ANKS6: variants seen among roughly 807,000 people sequenced by gnomAD.
ANKS6 encodes the protein ankyrin repeat and SAM domain-containing protein 6.
ANKS6 carries 47 observed loss-of-function variants against 77.9 expected under a neutral mutation model. That is an observed-to-expected ratio of 0.60 (90% CI 0.48 to 0.77). The LOEUF (loss-of-function observed/expected upper bound fraction) is 0.77, where lower values mean the gene tolerates loss of function less well. Ranked by LOEUF, ANKS6 falls within the 30% of genes least tolerant of loss-of-function variation. The pLI, the probability that ANKS6 is intolerant of heterozygous loss-of-function variation, is 0.00. For missense variants in ANKS6, 1,150 were observed against 1,159.1 expected, an observed-to-expected ratio of 0.99 and a Z score of 0.11; for synonymous variants, 488 against 501.7, an observed-to-expected ratio of 0.97 and a Z score of 0.37.
In ANKS6 at chr9:98,796,200, G is replaced by A; in HGVS notation, c.292C>T (p.Leu98=). ...GGHEPLVRFL[L]RRGASVNSRN... ...CTGTTGACCGAGGCACCGCGGCGCA[G>A]CAGGAAGCGCACCAGCGGTTCGTGG... Residue 98 remains leucine, a synonymous_variant, in exon 1 of 15, where the codon CTG becomes TTG. Coordinates refer to ENST00000353234, the MANE Select transcript of ANKS6 (RefSeq NM_173551.5). The A allele has an allele frequency of 7.1e-7, 1 of 1,418,148 alleles. No individual in the cohort carries two copies. The highest frequency in any genetic ancestry group is 9.2e-7 in the Non-Finnish European group (1 of 1,085,566). 87.8% of individuals were successfully genotyped at this position (1,418,148 alleles called of 1,614,324 possible). A position where few individuals can be genotyped will look rare whatever the true frequency, so the allele number is the denominator to read the frequency against.
rs1831382279 is a variant in ANKS6 at position 98,734,511 on chromosome 9, C to T, written c.*2008G>A. ...CAAACAATTCTAGGCCTACTGTTAACCCCTGAAGCCATCAGTAAATTAAAA... is the reference window on the plus strand; with the variant it reads ...CAAACAATTCTAGGCCTACTGTTAATCCCTGAAGCCATCAGTAAATTAAAA... On this transcript the variant is annotated 3_prime_UTR_variant, in exon 15 of 15. Coordinates refer to ENST00000353234, the MANE Select transcript of ANKS6 (RefSeq NM_173551.5). 1.0e-6 allele frequency: 1 copy of T among 985,402 alleles called. No homozygotes were observed. The highest frequency in any genetic ancestry group is 4.7e-5 in the South Asian group (1 of 21,284). The allele number at this position is 985,402 out of a possible 1,614,324, so 61.0% of individuals were successfully genotyped here. A position where few individuals can be genotyped will look rare whatever the true frequency, so the allele number is the denominator to read the frequency against.
At chr9:98,788,828 G>A (rs1259244395) in intron 2 of ANKS6, among the ~76,000 whole-genome samples, 1 of 152,168 alleles carries the variant, frequency 6.6e-6, no homozygotes, top group African/African-American at 2.4e-5. Flanking sequence ...CTTCCAATGG[G>A]TGTGTGACCT....
At chr9:98,739,728 C>T (rs1831709538) in intron 14 of ANKS6, among the ~76,000 whole-genome samples, 1 of 150,954 alleles carries the variant, frequency 6.6e-6, no homozygotes. Context: ...CAGACAGATC[C>T]TATCCTCAGA....
rs200911908 is a variant in ANKS6 at position 98,790,383 on chromosome 9, G to C, written c.583C>G (p.Leu195Val). ...SRDEPLDITA[L>V]MAAIQHGHEA... ...TGCCCGTGCTGGATGGCAGCCATCA[G>C]GGCTGTGATGTCCAAGGGCTCATCC... The change falls in exon 2 of 15, where the codon CTG becomes GTG. Residue 195 changes from leucine (L) to valine (V), a missense_variant. Physicochemically the swap from Leu to Val is conservative, Grantham distance 32. Transcript: ENST00000353234. 2 of 1,613,596 alleles carry C rather than the reference G, an allele frequency of 1.2e-6. No individual in the cohort carries two copies. Among genetic ancestry groups the C allele is most frequent in the African/African-American group, 2.7e-5 (2 of 74,944 alleles).
At chr9:98,786,296 T>G (rs1223564770) in intron 2 of ANKS6, among the ~76,000 whole-genome samples, 2 of 141,842 alleles carry the variant, frequency 1.4e-5, no homozygotes, top group Non-Finnish European at 3.0e-5. Context: ...CAGAATTGTT[T>G]TTTTTTTTTT....
In ANKS6 at chr9:98,736,821, C is replaced by T. The variant is rs527745637; in HGVS notation, c.2512-198G>A. 3.3e-5 allele frequency among the ~76,000 whole-genome samples: 5 copies of T among 152,314 alleles called. No individual in the cohort carries two copies. In the East Asian group the frequency reaches 7.7e-4, roughly 23 times the overall value. On this transcript the variant is annotated intron_variant, in intron 14 of 14. Transcript: ENST00000353234. ...TCAGAATCTCCCCAGTACCCACCAT[C>T]GCAGCCTGTCAATGCTGGAGAGGCC...
At position 98,736,439 on chromosome 9, in the gene ANKS6, G is replaced by T; in HGVS notation, c.*80C>A. 1 of 1,484,764 alleles carries T rather than the reference G, an allele frequency of 6.7e-7. No individual in the cohort carries two copies. 92.0% of individuals were successfully genotyped at this position (1,484,764 alleles called of 1,614,324 possible). ...CATGACTAAGGCACAGCAGTGTGACGGGGGCAGGGCTGGGGCTGTGGCCAC... is the reference window on the plus strand; with the variant it reads ...CATGACTAAGGCACAGCAGTGTGACTGGGGCAGGGCTGGGGCTGTGGCCAC... On this transcript the variant is annotated 3_prime_UTR_variant, in exon 15 of 15. Coordinates refer to ENST00000353234, the MANE Select transcript of ANKS6 (RefSeq NM_173551.5).
intron 12 of ANKS6, among the ~76,000 whole-genome samples, chr9:98,754,191 G>C (rs1488046088): frequency 4.6e-5 from 7 of 152,176 alleles, no homozygotes; most frequent in Admixed American, 4.6e-4. Context: ...AAATTTCCTG[G>C]AACAAATGTG....
intron 10 of ANKS6, among the ~76,000 whole-genome samples, chr9:98,769,723 G>A (rs181670727): frequency 9.9e-5 from 15 of 152,256 alleles, no homozygotes; most frequent in Admixed American, 1.3e-4. Context: ...ATTTGACCCC[G>A]GACGAGTTAT....
At chr9:98,775,138 T>C (rs1024170408) in intron 8 of ANKS6, among the ~76,000 whole-genome samples, 4 of 152,160 alleles carry the variant, frequency 2.6e-5, no homozygotes, top group Admixed American at 2.0e-4. Flanking sequence ...CGGGGTTGAG[T>C]TGGAAACTCA....
At chr9:98,759,465 G>A (rs1309228729) in intron 11 of ANKS6, among the ~76,000 whole-genome samples, 1 of 152,158 alleles carries the variant, frequency 6.6e-6, no homozygotes, top group African/African-American at 2.4e-5. Context: ...CACAGGTTGA[G>A]GGCTCAGTCC....
At chr9:98,773,542 A>T (rs1005469488) in intron 9 of ANKS6, among the ~76,000 whole-genome samples, 1 of 152,118 alleles carries the variant, frequency 6.6e-6, no homozygotes, top group Non-Finnish European at 1.5e-5. Context: ...TTGGCTGGTG[A>T]TCTTCAGCTA....
intron 1 of ANKS6, among the ~76,000 whole-genome samples, chr9:98,792,667 C>G (rs1047534297): frequency 5.9e-5 from 9 of 152,058 alleles, no homozygotes; most frequent in Admixed American, 2.0e-4. Context: ...TTACAAGGTG[C>G]GTCACATTTT....
At position 98,768,131 on chromosome 9, in the gene ANKS6, G is replaced by C. The variant is rs765248968; in HGVS notation, c.2092C>G (p.Pro698Ala). Residue 698 changes from proline (P) to alanine (A), a missense_variant, in exon 11 of 15, where the codon CCG becomes GCG. Pro to Ala is a conservative substitution (Grantham distance 27). Coordinates refer to ENST00000353234, the MANE Select transcript of ANKS6 (RefSeq NM_173551.5). ...SPVGPAPGSS[P>A]SELPASPAGG... ...GCAGGGGAGGCTGGAAGCTCAGACG[G>C]GCTGGACCCCGGTGCTGGCCCCACA... is the stretch of plus-strand genomic sequence containing the variant. The C allele has an allele frequency of 1.5e-5, 25 of 1,613,288 alleles. No individual in the cohort carries two copies. In the African/African-American group the frequency reaches 2.8e-4, roughly 18 times the overall value.
rs1554731569 is a variant in ANKS6 at position 98,739,758 on chromosome 9, A to ATTTTCTTTTTTTTTT, written c.2512-3136_2512-3135insAAAAAAAAAAGAAAA. Among the ~76,000 whole-genome samples, 51 of 88,862 alleles carry ATTTTCTTTTTTTTTT rather than the reference A, an allele frequency of 5.7e-4. 4 individuals are homozygous for ATTTTCTTTTTTTTTT. The highest frequency in any genetic ancestry group is 8.1e-4 in the Non-Finnish European group (39 of 48,398). The allele number at this position is 88,862 out of a possible 152,430, so 58.3% of individuals were successfully genotyped here. On this transcript the variant is annotated intron_variant, in intron 14 of 14. Coordinates refer to ENST00000353234, the MANE Select transcript of ANKS6 (RefSeq NM_173551.5). The stretch of plus-strand genomic sequence containing the variant: ...CTCAGAGGGCAGCAGTGGATTAAAC[A>ATTTTCTTTTTTTTTT]TTTTTTTTTTTTTTTTGAGACGGAG...
intron 11 of ANKS6, among the ~76,000 whole-genome samples, chr9:98,758,914 A>G (rs1175892380): frequency 6.6e-6 from 1 of 152,186 alleles, no homozygotes; most frequent in Non-Finnish European, 1.5e-5. Context: ...TGTATACAGT[A>G]CTTTTTGTCT....
At chr9:98,771,618 C>A (rs1168601023) in intron 9 of ANKS6, among the ~76,000 whole-genome samples, 2 of 152,234 alleles carry the variant, frequency 1.3e-5, no homozygotes, top group East Asian at 3.9e-4. Context: ...GGCACACCAA[C>A]CTCCTTTGGG....
chr9:98,781,046 C>A (rs1212794473), intron 5 of ANKS6, among the ~76,000 whole-genome samples: 5 of 152,094 alleles, frequency 3.3e-5, no homozygotes, highest in South Asian at 2.1e-4. Context: ...GGCTACAGTG[C>A]CCGCCATCAT....
At chr9:98,780,063 G>T in intron 6 of ANKS6, 126 bp downstream of exon 6, 2 of 1,333,060 alleles carry the variant, frequency 1.5e-6, no homozygotes, top group Non-Finnish European at 2.1e-6. Context: ...CTCAATGCCA[G>T]CTCACCTGCC....
Sources: allele counts gnomAD v4.1 joint callset (sites outside exome capture counted in the v4.1 genomes callset), GRCh38; gene constraint gnomAD v4.1.1; transcripts MANE v1.5; gene names NCBI Gene and HGNC (gene_info 2026-07-23, HGNC 2026-07-21).